The following CIMIP2C variants were observed in gnomAD, a reference collection of about 807,000 sequenced individuals.
CIMIP2C encodes ciliary microtubule inner protein 2C.
chr2:26,575,662 G>A, the CIMIP2C span, among the ~76,000 whole-genome samples: 1 of 152,158 alleles, frequency 6.6e-6, no homozygotes, highest in Non-Finnish European at 1.5e-5. Flanking sequence ...CCCTGACTCT[G>A]CCCTTCATCT....
At chr2:26,575,968 G>C in the CIMIP2C span, 1 of 1,613,824 alleles carries the variant, frequency 6.2e-7, no homozygotes, top group Admixed American at 1.7e-5. Context: ...CCACCCTCAA[G>C]TACTTCCAGG....
chr2:26,572,123 G>T, the CIMIP2C span: 1 of 1,545,326 alleles, frequency 6.5e-7, no homozygotes, highest in Non-Finnish European at 8.7e-7. Context: ...TAGATGCCAT[G>T]GGTTGACTCT....
At chr2:26,577,648 T>C in the CIMIP2C span, 2 of 1,590,990 alleles carry the variant, frequency 1.3e-6, no homozygotes, top group Non-Finnish European at 1.7e-6. Context: ...TGCCCTCCCT[T>C]CATCTACGCA....
the CIMIP2C span, chr2:26,562,624 C>A: frequency 6.3e-7 from 1 of 1,583,148 alleles, no homozygotes; most frequent in Non-Finnish European, 8.6e-7. Context: ...TGGCCTCCCG[C>A]AGCGCGGGCA....
chr2:26,574,061 TGAG>T, the CIMIP2C span, among the ~76,000 whole-genome samples: 3 of 152,084 alleles, frequency 2.0e-5, no homozygotes, highest in African/African-American at 7.2e-5. Context: ...GTTCTGTTGG[TGAG>T]GAGACCGAGG....
At chr2:26,568,787 G>A in the CIMIP2C span, among the ~76,000 whole-genome samples, 19 of 152,242 alleles carry the variant, frequency 1.2e-4, no homozygotes, top group African/African-American at 3.9e-4. Context: ...TTGGGAGGCC[G>A]GGGCAGGTGG....
chr2:26,577,713 AGACT>A, the CIMIP2C span: 1 of 950,348 alleles, frequency 1.1e-6, no homozygotes, highest in Non-Finnish European at 1.6e-6. Flanking sequence ...CACAGCACAC[AGACT>A]GAGAAATGAG....
chr2:26,579,222 G>A, the CIMIP2C span: 6 of 1,571,438 alleles, frequency 3.8e-6, 1 homozygote, highest in South Asian at 5.7e-5. Context: ...GGGCACGTGG[G>A]GCTGTGGGTG....
the CIMIP2C span, among the ~76,000 whole-genome samples, chr2:26,564,291 G>A: frequency 1.3e-5 from 2 of 152,160 alleles, no homozygotes; most frequent in Admixed American, 6.5e-5. Context: ...CCCATCTGAG[G>A]GGCAAGGCCT....
the CIMIP2C span, among the ~76,000 whole-genome samples, chr2:26,575,265 G>A: frequency 5.9e-5 from 9 of 152,290 alleles, no homozygotes; most frequent in East Asian, 3.9e-4. Flanking sequence ...AGGCTGCGGC[G>A]TCCTGAACCT....
the CIMIP2C span, chr2:26,572,163 C>T: frequency 6.5e-7 from 1 of 1,534,946 alleles, no homozygotes; most frequent in Non-Finnish European, 8.8e-7. Context: ...TAAGTGCACC[C>T]CCATCTCCCC....
the CIMIP2C span, among the ~76,000 whole-genome samples, chr2:26,573,444 G>GGGAAGA: frequency 6.6e-6 from 1 of 152,216 alleles, no homozygotes; most frequent in African/African-American, 2.4e-5. Context: ...GACGGAAGAA[G>GGGAAGA]GGCAGAGGCT....
chr2:26,567,863 A>G, the CIMIP2C span, among the ~76,000 whole-genome samples: 1 of 152,206 alleles, frequency 6.6e-6, no homozygotes, highest in Non-Finnish European at 1.5e-5. Context: ...TAATCCTCCC[A>G]GGCAATTCTA....
the CIMIP2C span, chr2:26,578,448 A>C: frequency 4.3e-6 from 1 of 233,996 alleles, no homozygotes; most frequent in South Asian, 5.5e-5. Context: ...AACAGGCTTC[A>C]CTGCATCTAA....
the CIMIP2C span, chr2:26,571,978 T>C: frequency 5.6e-6 from 4 of 710,862 alleles, no homozygotes; most frequent in Non-Finnish European, 7.6e-6. Context: ...ATAAGTAGAT[T>C]TGAGATAAGT....
the CIMIP2C span, chr2:26,562,612 C>A: frequency 6.3e-7 from 1 of 1,577,596 alleles, no homozygotes; most frequent in South Asian, 1.2e-5. Context: ...GCGCACCCAC[C>A]ATGGCCTCCC....
At chr2:26,578,669 G>C in the CIMIP2C span, 89 of 453,178 alleles carry the variant, frequency 2.0e-4, no homozygotes, top group Non-Finnish European at 3.3e-4. Flanking sequence ...AGTATAGTGG[G>C]ACTCTCCTGG....
the CIMIP2C span, chr2:26,578,403 G>A: frequency 4.7e-6 from 1 of 212,606 alleles, no homozygotes; most frequent in African/African-American, 2.3e-5. Context: ...TGATAAAACA[G>A]CATCTGTTTT....
the CIMIP2C span, chr2:26,579,439 G>A: frequency 1.2e-5 from 19 of 1,613,454 alleles, no homozygotes; most frequent in Non-Finnish European, 1.5e-5. Flanking sequence ...CAGAGCATGA[G>A]ACTTTTAGTT....
Sources: allele counts gnomAD v4.1 joint callset (sites outside exome capture counted in the v4.1 genomes callset), GRCh38; gene constraint gnomAD v4.1.1; transcripts MANE v1.5; gene names NCBI Gene and HGNC (gene_info 2026-07-23, HGNC 2026-07-21).